TMEM40: variants seen among roughly 807,000 people sequenced by gnomAD.
TMEM40 encodes transmembrane protein 40.
A neutral mutation model predicts 40.8 loss-of-function variants in TMEM40; 34 were observed. The observed-to-expected ratio is 0.83, with a 90% CI of 0.63 to 1.11. TMEM40 has a LOEUF of 1.11. Ranked by LOEUF, TMEM40 falls within the 50% of genes least tolerant of loss-of-function variation. The probability of loss-of-function intolerance (pLI) is 0.00; values close to 1 mark genes in which losing one functional copy is unlikely to be tolerated. For synonymous variants in TMEM40, 106 were observed against 107.0 expected (o/e 0.99, Z 0.06); for missense variants, 296 against 280.2 (o/e 1.06, Z -0.40).
Position 12,736,658 on chromosome 3 carries a change from AG to A in TMEM40, c.545-7del. On this transcript the variant is annotated splice_region_variant and splice_polypyrimidine_tract_variant and intron_variant, in intron 9 of 11. Coordinates refer to ENST00000314124, the MANE Select transcript of TMEM40 (RefSeq NM_018306.4). ...CCCAAGAGACATGAACCAGTCTGGA[AG>A]GGCAGTGAGGGAGGGAATGGTCAGC... 1 of 1,608,800 alleles carries A rather than the reference AG, an allele frequency of 6.2e-7. No individual in the cohort carries two copies.
At chr3:12,742,003 G>A (rs1322514119) in intron 5 of TMEM40, among the ~76,000 whole-genome samples, 7 of 152,136 alleles carry the variant, frequency 4.6e-5, no homozygotes, top group East Asian at 1.9e-4. Flanking sequence ...AGGCCGAGGC[G>A]GGCGGATCAG....
rs545286803 is a variant in TMEM40, at chr3:12,736,524, C to T, written c.619+54G>A. On this transcript the variant is annotated intron_variant, in intron 10 of 11. Coordinates refer to ENST00000314124, the MANE Select transcript of TMEM40 (RefSeq NM_018306.4). Reference sequence around the variant, plus strand: ...ATGAGTATGAAAATGAATATTTCTACCCACGACCCCTCCAAGAGACTGTGT... The same window carrying T: ...ATGAGTATGAAAATGAATATTTCTATCCACGACCCCTCCAAGAGACTGTGT... The T allele has an allele frequency of 7.9e-6, 12 of 1,526,064 alleles. No homozygotes were observed. In the South Asian group the frequency reaches 1.3e-4, roughly 17 times the overall value. The allele number at this position is 1,526,064 out of a possible 1,614,324, so 94.5% of individuals were successfully genotyped here.
chr3:12,745,108 G>A (rs2061416862), intron 3 of TMEM40, among the ~76,000 whole-genome samples: 2 of 152,054 alleles, frequency 1.3e-5, no homozygotes, highest in African/African-American at 2.4e-5. Flanking sequence ...TGCCCAGGCT[G>A]AAGTGCAATG....
intron 4 of TMEM40, 49 bp from the exon 5 acceptor site, chr3:12,742,556 C>T: frequency 6.3e-7 from 1 of 1,595,930 alleles, no homozygotes; most frequent in Non-Finnish European, 8.6e-7. Context: ...CACAGTGATC[C>T]AGGCCACTTC....
chr3:12,742,687 C>T (rs111624470), intron 4 of TMEM40, among the ~76,000 whole-genome samples, 180 bp from the exon 5 acceptor site: 3 of 152,194 alleles, frequency 2.0e-5, no homozygotes, highest in African/African-American at 7.2e-5. Flanking sequence ...TCTGATGCCC[C>T]CAGAACTTCC....
At chr3:12,755,202 T>TTC (rs2061511978) in intron 1 of TMEM40, among the ~76,000 whole-genome samples, 2 of 86,634 alleles carry the variant, frequency 2.3e-5, no homozygotes, top group East Asian at 2.5e-4. Context: ...TTCCTTCCTT[T>TTC]CTTTCTTTCT....
At chr3:12,764,019 G>A (rs1454047204), upstream of TMEM40, among the ~76,000 whole-genome samples, 1 of 152,236 alleles carries the variant, frequency 6.6e-6, no homozygotes, top group East Asian at 1.9e-4. Flanking sequence ...GGCTTCAAGT[G>A]ATTATCCTGC....
At chr3:12,757,914 C>G (rs1194068402) in intron 1 of TMEM40, among the ~76,000 whole-genome samples, 1 of 152,084 alleles carries the variant, frequency 6.6e-6, no homozygotes, top group Non-Finnish European at 1.5e-5. Context: ...GTTGGCCAGG[C>G]TGGTCTCGAA....
chr3:12,743,745 G>T (rs113114204), intron 4 of TMEM40, among the ~76,000 whole-genome samples, 155 bp downstream of exon 4: 5 of 152,174 alleles, frequency 3.3e-5, no homozygotes, highest in Non-Finnish European at 7.3e-5. Flanking sequence ...ACCAGGGCAG[G>T]GTGTAGCATC....
chr3:12,750,460 T>C (rs914459822), intron 1 of TMEM40, among the ~76,000 whole-genome samples: 2 of 152,172 alleles, frequency 1.3e-5, no homozygotes, highest in African/African-American at 4.8e-5. Flanking sequence ...TTTCTTTTAA[T>C]GGAGCCCATG....
At chr3:12,768,306 G>C (rs1485647821) in intron 1 of TMEM40, among the ~76,000 whole-genome samples, 1 of 152,138 alleles carries the variant, frequency 6.6e-6, no homozygotes, top group Non-Finnish European at 1.5e-5. Context: ...AAACAACAAA[G>C]CTTCCACAGT....
At chr3:12,754,303 T>C (rs113393597) in intron 1 of TMEM40, among the ~76,000 whole-genome samples, 15,497 of 151,924 alleles carry the variant, frequency 0.1, 818 homozygotes, top group Non-Finnish European at 0.12. Flanking sequence ...CAGAGCACGA[T>C]TCCGTCTCAA....
chr3:12,756,857 C>T (rs1405012116), intron 1 of TMEM40, among the ~76,000 whole-genome samples: 1 of 151,756 alleles, frequency 6.6e-6, no homozygotes, highest in African/African-American at 2.4e-5. Context: ...CACATATACA[C>T]ACTCTCTCTC....
In TMEM40 at chr3:12,748,927, C is replaced by A. The variant is rs113932833; in HGVS notation, c.74-135G>T. 2.0e-4 allele frequency: 148 copies of A among 750,070 alleles called. No homozygotes were observed. In the African/African-American group the frequency reaches 2.4e-3, roughly 12 times the overall value. 46.5% of individuals were successfully genotyped at this position (750,070 alleles called of 1,614,324 possible). On this transcript the variant is annotated intron_variant, in intron 2 of 11. Transcript: ENST00000314124. Reference sequence around the variant, plus strand: ...GGATTATCTTCCCAAATATCTAGAGCCAATGCAACATGCAGGAGACCAAGG... The same window carrying A: ...GGATTATCTTCCCAAATATCTAGAGACAATGCAACATGCAGGAGACCAAGG...
At chr3:12,745,639 G>A (rs535567439) in intron 3 of TMEM40, among the ~76,000 whole-genome samples, 14 of 151,720 alleles carry the variant, frequency 9.2e-5, no homozygotes, top group African/African-American at 2.9e-4. Context: ...AGTAGAGATG[G>A]GATTTCCCCA....
intron 4 of TMEM40, 92 bp from the exon 5 acceptor site, chr3:12,742,599 C>G: frequency 6.8e-7 from 1 of 1,464,848 alleles, no homozygotes; most frequent in Non-Finnish European, 9.5e-7. Context: ...TAAGAAGTAC[C>G]ACAGTCCTTG....
At chr3:12,753,376 C>T (rs2061494110) in intron 1 of TMEM40, among the ~76,000 whole-genome samples, 1 of 151,900 alleles carries the variant, frequency 6.6e-6, no homozygotes, top group Non-Finnish European at 1.5e-5. Flanking sequence ...GCCACCACAC[C>T]TAGCTAATTT....
At chr3:12,740,144 A>C (rs922355450) in intron 5 of TMEM40, among the ~76,000 whole-genome samples, 59 of 150,532 alleles carry the variant, frequency 3.9e-4, no homozygotes, top group Admixed American at 2.7e-3. Context: ...CCCAGGCTGG[A>C]GTGCAGCGGC....
At position 12,752,041 on chromosome 3, in the gene TMEM40, T is replaced by C. The variant is rs549770967; in HGVS notation, c.-8-2201A>G. ...AGTACTCTTTCAATTGCCTAAACAA[T>C]ACCCATCAACTCTATTCCCCACTCC... On this transcript the variant is annotated intron_variant, in intron 1 of 11. Transcript: ENST00000314124. Among the ~76,000 whole-genome samples the C allele has an allele frequency of 7.2e-5, 11 of 152,254 alleles. No homozygotes were observed. In the East Asian group the frequency reaches 2.1e-3, roughly 29 times the overall value.
Sources: allele counts gnomAD v4.1 joint callset (sites outside exome capture counted in the v4.1 genomes callset), GRCh38; gene constraint gnomAD v4.1.1; transcripts MANE v1.5; gene names NCBI Gene and HGNC (gene_info 2026-07-23, HGNC 2026-07-21).